CNTNAP2: variants seen among roughly 807,000 people sequenced by gnomAD.
CNTNAP2 encodes the protein contactin-associated protein-like 2.
Under a neutral mutation model 155.2 loss-of-function variants are expected in CNTNAP2, and 98 were observed. The observed-to-expected ratio is 0.63, with a 90% confidence interval of 0.54 to 0.75. The LOEUF (loss-of-function observed/expected upper bound fraction) is 0.75. CNTNAP2 is among the 30% of genes least tolerant of loss of function. The pLI is 0.00. For missense variants in CNTNAP2, 1,727 were observed against 1,688.1 expected (o/e 1.02, Z -0.40); for synonymous variants, 651 against 631.2 (o/e 1.03, Z -0.47).
intron 1 of CNTNAP2, among the ~76,000 whole-genome samples, chr7:146,674,691 G>C (rs116409747): frequency 2.0e-5 from 3 of 152,070 alleles, no homozygotes; most frequent in Non-Finnish European, 4.4e-5. Flanking sequence ...CCCGGGCCCT[G>C]TATCCCATTT....
At chr7:148,049,012 G>C (rs1802831200) in intron 15 of CNTNAP2, among the ~76,000 whole-genome samples, 1 of 152,152 alleles carries the variant, frequency 6.6e-6, no homozygotes, top group Non-Finnish European at 1.5e-5. Context: ...TGGAGTTTGA[G>C]ACCAGACTGG....
intron 2 of CNTNAP2, among the ~76,000 whole-genome samples, chr7:146,798,508 A>G (rs949676285): frequency 6.3e-4 from 96 of 151,836 alleles, no homozygotes; most frequent in African/African-American, 2.1e-3. Flanking sequence ...GTACCTAGCT[A>G]TATTTTTTGG....
intron 1 of CNTNAP2, among the ~76,000 whole-genome samples, chr7:146,347,233 A>T (rs1794833554): frequency 6.6e-6 from 1 of 152,218 alleles, no homozygotes; most frequent in South Asian, 2.1e-4. Context: ...GGAGGAGAAA[A>T]AAAGATTTCA....
chr7:148,040,541 A>G (rs1802652455), intron 15 of CNTNAP2, among the ~76,000 whole-genome samples: 1 of 152,266 alleles, frequency 6.6e-6, no homozygotes, highest in Non-Finnish European at 1.5e-5. Context: ...TCATTTCAGT[A>G]GATGTTGACT....
chr7:147,521,885 G>C lies in CNTNAP2; in HGVS notation c.1777+35844G>C, dbSNP rs112548594. On this transcript the variant is annotated intron_variant, in intron 11 of 23. Transcript: ENST00000361727. ...TAGGTTATATCCCTCATGCAGAACT[G>C]AGAGAGTGGTTCAGCTACCAAATAC... Among the ~76,000 whole-genome samples, 1,257 of 152,320 alleles carry C rather than the reference G, an allele frequency of 8.3e-3. 19 individuals carry two copies. The highest frequency in any genetic ancestry group is 0.028 in the African/African-American group (1,173 of 41,566).
chr7:147,214,061 A>G (rs1340386960), intron 8 of CNTNAP2, among the ~76,000 whole-genome samples: 1 of 152,150 alleles, frequency 6.6e-6, no homozygotes, highest in East Asian at 1.9e-4. Context: ...CCTTCACAGA[A>G]AAACCCAGAA....
chr7:147,333,166 G>C (rs1404702), intron 9 of CNTNAP2, among the ~76,000 whole-genome samples: 64,150 of 151,880 alleles, frequency 0.42, 13,769 homozygotes, highest in South Asian at 0.49. Context: ...CACAAGCCAA[G>C]ACAGATGGAA....
At chr7:147,945,441 C>T (rs79051424) in intron 14 of CNTNAP2, among the ~76,000 whole-genome samples, 8,174 of 152,044 alleles carry the variant, frequency 0.054, 293 homozygotes, top group South Asian at 0.14. Flanking sequence ...TCTGAATTAT[C>T]CATCATTTGC....
At chr7:146,659,289 A>T (rs750195589) in intron 1 of CNTNAP2, among the ~76,000 whole-genome samples, 2 of 152,146 alleles carry the variant, frequency 1.3e-5, no homozygotes, top group Non-Finnish European at 2.9e-5. Context: ...AACCAATTTA[A>T]ATGGTCAAGG....
intron 2 of CNTNAP2, among the ~76,000 whole-genome samples, chr7:146,803,140 T>C (rs1802909644): frequency 6.6e-6 from 1 of 152,082 alleles, no homozygotes; most frequent in Admixed American, 6.6e-5. Flanking sequence ...GAGGAGGTCA[T>C]GATTCTTGAA....
intron 1 of CNTNAP2, among the ~76,000 whole-genome samples, chr7:146,492,682 T>C (rs140632647): frequency 1.0e-3 from 152 of 152,330 alleles, no homozygotes; most frequent in African/African-American, 3.5e-3. Flanking sequence ...GGTTTCTCAG[T>C]TGCTTTATCT....
chr7:146,400,277 A>AT (rs1795694900), intron 1 of CNTNAP2, among the ~76,000 whole-genome samples: 1 of 146,386 alleles, frequency 6.8e-6, no homozygotes, highest in Admixed American at 7.0e-5. Context: ...AAAAAAAAAA[A>AT]ATATGAAAAA....
At chr7:147,387,094 C>T (rs1374344530) in intron 9 of CNTNAP2, among the ~76,000 whole-genome samples, 3 of 152,072 alleles carry the variant, frequency 2.0e-5, no homozygotes, top group African/African-American at 7.2e-5. Flanking sequence ...AAGACCCACC[C>T]CCATGACTCA....
intron 3 of CNTNAP2, among the ~76,000 whole-genome samples, chr7:146,978,399 G>C (rs1185280309): frequency 6.6e-6 from 1 of 152,124 alleles, no homozygotes; most frequent in Non-Finnish European, 1.5e-5. Context: ...TCTTTCAAAT[G>C]ACACCAGAAA....
chr7:146,297,831 T>A (rs1253434059), intron 1 of CNTNAP2, among the ~76,000 whole-genome samples: 1 of 152,166 alleles, frequency 6.6e-6, no homozygotes, highest in Non-Finnish European at 1.5e-5. Context: ...TTGTTTTCCA[T>A]GTTGAATGCT....
At chr7:147,014,321 C>T (rs1007494552) in intron 3 of CNTNAP2, among the ~76,000 whole-genome samples, 2 of 151,922 alleles carry the variant, frequency 1.3e-5, no homozygotes, top group Non-Finnish European at 2.9e-5. Flanking sequence ...GTTTGCTTTT[C>T]TAAAATAACA....
intron 10 of CNTNAP2, among the ~76,000 whole-genome samples, chr7:147,421,695 A>C (rs1797293803): frequency 6.6e-6 from 1 of 151,410 alleles, no homozygotes; most frequent in Admixed American, 6.6e-5. Context: ...CCCAAATCTC[A>C]TGTTAAAATG....
chr7:147,566,861 TA>T (rs1388648315), intron 12 of CNTNAP2, among the ~76,000 whole-genome samples: 1 of 152,062 alleles, frequency 6.6e-6, no homozygotes, highest in East Asian at 1.9e-4. Context: ...TTTGGAAAAA[TA>T]TACATAATTG....
chr7:147,881,860 T>C (rs1055957981), intron 13 of CNTNAP2, among the ~76,000 whole-genome samples: 3 of 152,026 alleles, frequency 2.0e-5, no homozygotes, highest in African/African-American at 7.2e-5. Flanking sequence ...TAGTCTCAGC[T>C]ACTCAGAAGG....
Sources: allele counts gnomAD v4.1 joint callset (sites outside exome capture counted in the v4.1 genomes callset), GRCh38; gene constraint gnomAD v4.1.1; transcripts MANE v1.5; gene names NCBI Gene and HGNC (gene_info 2026-07-23, HGNC 2026-07-21).